GNAQ: variants seen among roughly 807,000 people sequenced by gnomAD.
GNAQ encodes the protein G protein subunit alpha q, also known as guanine nucleotide-binding protein G(q) subunit alpha.
GNAQ carries 8 observed loss-of-function variants against 43.9 expected under a neutral mutation model. That is an observed-to-expected ratio of 0.18 (90% CI 0.11 to 0.33). The LOEUF (loss-of-function observed/expected upper bound fraction) is 0.33, where lower values mean the gene tolerates loss of function less well. GNAQ is among the 10% of genes least tolerant of loss of function. GNAQ has a pLI of 1.00. For missense variants in GNAQ, 158 were observed against 450.8 expected, an observed-to-expected ratio of 0.35 and a Z score of 5.88; for synonymous variants, 155 against 170.7, an observed-to-expected ratio of 0.91 and a Z score of 0.71.
intron 2 of GNAQ, among the ~76,000 whole-genome samples, chr9:77,883,463 T>G (rs576071578): frequency 5.9e-4 from 90 of 152,122 alleles, no homozygotes; most frequent in African/African-American, 2.1e-3. Context: ...GGGTAGTTTT[T>G]TTTTTTTTTT....
rs558381533 is a variant in GNAQ, at chr9:77,781,553, G to C, written c.735+12910C>G. ...TAACTTAATACCAAAACCAGACAAA[G>C]TCATTCCGAGAAAGCTACAGACCAG... On this transcript the variant is annotated intron_variant, in intron 5 of 6. Transcript: ENST00000286548. 2.6e-5 allele frequency among the ~76,000 whole-genome samples: 4 copies of C among 152,178 alleles called. No homozygotes were observed. In the South Asian group the frequency reaches 8.3e-4, roughly 32 times the overall value.
At chr9:77,855,123 G>C (rs182439046) in intron 2 of GNAQ, among the ~76,000 whole-genome samples, 107 of 152,170 alleles carry the variant, frequency 7.0e-4, no homozygotes, top group African/African-American at 2.5e-3. Flanking sequence ...GCACTACCTT[G>C]CATCACAAGA....
chr9:77,757,594 A>G (rs753980430), intron 5 of GNAQ, among the ~76,000 whole-genome samples: 1 of 152,192 alleles, frequency 6.6e-6, no homozygotes, highest in Non-Finnish European at 1.5e-5. Context: ...CATAAAAAAT[A>G]CCCACTATAA....
intron 2 of GNAQ, among the ~76,000 whole-genome samples, chr9:77,901,781 AAC>A (rs974470977): frequency 1.3e-5 from 2 of 152,222 alleles, no homozygotes; most frequent in Non-Finnish European, 2.9e-5. Context: ...GCTTATAAAC[AAC>A]AAACATTTAT....
chr9:77,734,027 T>G (rs932611868), intron 5 of GNAQ, among the ~76,000 whole-genome samples: 1 of 152,184 alleles, frequency 6.6e-6, no homozygotes, highest in Admixed American at 6.5e-5. Flanking sequence ...AATCTCCGCA[T>G]AACAATTACC....
At chr9:77,909,921 C>A (rs1828772129) in intron 2 of GNAQ, among the ~76,000 whole-genome samples, 1 of 152,036 alleles carries the variant, frequency 6.6e-6, no homozygotes, top group South Asian at 2.1e-4. Flanking sequence ...CACAAAAAGT[C>A]ATTTTTTAAA....
intron 2 of GNAQ, among the ~76,000 whole-genome samples, chr9:77,826,677 T>G (rs1827203134): frequency 6.6e-6 from 1 of 152,244 alleles, no homozygotes; most frequent in African/African-American, 2.4e-5. Flanking sequence ...TTACTTGCTT[T>G]GGGATCTCTC....
At chr9:77,933,582 T>G (rs1046557101) in intron 1 of GNAQ, among the ~76,000 whole-genome samples, 1 of 151,688 alleles carries the variant, frequency 6.6e-6, no homozygotes. Context: ...GAGGCAGAGG[T>G]TGCAGTGACC....
chr9:77,728,041 C>A (rs1383638689), intron 6 of GNAQ, among the ~76,000 whole-genome samples: 1 of 151,952 alleles, frequency 6.6e-6, no homozygotes, highest in Non-Finnish European at 1.5e-5. Flanking sequence ...TGTTGCCAGG[C>A]TGGAGTGCAG....
chr9:77,815,101 C>T lies in GNAQ; in HGVS notation c.476+515G>A, dbSNP rs1372165964. Among the ~76,000 whole-genome samples, 3 of 152,146 alleles carry T rather than the reference C, an allele frequency of 2.0e-5. No homozygotes were observed. The South Asian group carries it at 6.2e-4, about 32-fold the overall frequency. Reference sequence around the variant, plus strand: ...AATTTTCACGCAAAGGAAAACCTATCCATCAACATAATAGTGGCTCTCAGA... The same window carrying T: ...AATTTTCACGCAAAGGAAAACCTATTCATCAACATAATAGTGGCTCTCAGA... On this transcript the variant is annotated intron_variant, in intron 3 of 6. Transcript: ENST00000286548.
chr9:77,946,112 G>A lies in GNAQ; in HGVS notation c.137-23767C>T, dbSNP rs55755225. Among the ~76,000 whole-genome samples, 590 of 152,276 alleles carry A rather than the reference G, an allele frequency of 3.9e-3. 2 individuals are homozygous for A. The highest frequency in any genetic ancestry group is 0.014 in the African/African-American group (570 of 41,552). Reference sequence around the variant, plus strand: ...GACGCAGAGGAGAGAGGACCAAATGGTGAAGTGGTAACATCACTATCTACA... The same window carrying A: ...GACGCAGAGGAGAGAGGACCAAATGATGAAGTGGTAACATCACTATCTACA... On this transcript the variant is annotated intron_variant, in intron 1 of 6. Transcript: ENST00000286548.
At chr9:77,863,583 C>T (rs1170924725) in intron 2 of GNAQ, among the ~76,000 whole-genome samples, 4 of 152,144 alleles carry the variant, frequency 2.6e-5, no homozygotes, top group African/African-American at 9.7e-5. Flanking sequence ...TTCACATTTT[C>T]GGGTATCTTT....
At chr9:77,762,031 G>A (rs1826040762) in intron 5 of GNAQ, among the ~76,000 whole-genome samples, 1 of 137,566 alleles carries the variant, frequency 7.3e-6, no homozygotes, top group African/African-American at 2.7e-5. Context: ...TGGGAAGTGA[G>A]GAGCCCCTCT....
intron 1 of GNAQ, among the ~76,000 whole-genome samples, chr9:77,960,747 CAAAG>C (rs1327690505): frequency 1.3e-5 from 2 of 151,532 alleles, no homozygotes; most frequent in Non-Finnish European, 1.5e-5. Context: ...ATTAAAACCA[CAAAG>C]AATCTAAAGT....
At chr9:78,026,832 A>G (rs192331457) in intron 1 of GNAQ, among the ~76,000 whole-genome samples, 1 of 152,326 alleles carries the variant, frequency 6.6e-6, no homozygotes, top group East Asian at 1.9e-4. Context: ...TATCCTTCAT[A>G]TTAAAAATGT....
chr9:77,865,778 G>A (rs1202996566), intron 2 of GNAQ, among the ~76,000 whole-genome samples: 2 of 152,154 alleles, frequency 1.3e-5, no homozygotes, highest in Admixed American at 6.5e-5. Context: ...TCCATCTCTC[G>A]TGTTGTATGA....
intron 5 of GNAQ, among the ~76,000 whole-genome samples, chr9:77,764,264 G>A (rs1826098457): frequency 6.6e-6 from 1 of 152,066 alleles, no homozygotes; most frequent in Non-Finnish European, 1.5e-5. Context: ...TAAAGATAAA[G>A]GCACCAAATC....
intron 2 of GNAQ, among the ~76,000 whole-genome samples, chr9:77,817,332 T>C (rs1421007271): frequency 6.6e-6 from 1 of 151,516 alleles, no homozygotes; most frequent in Non-Finnish European, 1.5e-5. Context: ...CAACACCGCA[T>C]AATCAGGGCC....
intron 6 of GNAQ, among the ~76,000 whole-genome samples, chr9:77,725,579 TAAAAAAAAAAAAA>T (rs55766160): frequency 3.5e-5 from 2 of 57,160 alleles, no homozygotes; most frequent in Admixed American, 2.1e-4. Flanking sequence ...AAGGTAACAG[TAAAAAAAAAAAAA>T]AAAAAAAAAA....
Sources: gnomAD v4.1 joint callset for allele counts (sites outside exome capture counted in the v4.1 genomes callset) on GRCh38, gnomAD v4.1.1 for gene constraint, MANE v1.5 for transcripts, NCBI Gene and HGNC (gene_info 2026-07-23, HGNC 2026-07-21) for gene names.